Variants in USP37 observed in about 807,000 individuals in gnomAD.
USP37 encodes the protein ubiquitin carboxyl-terminal hydrolase 37.
A neutral mutation model predicts 124.0 loss-of-function variants in USP37; 27 were observed. The ratio of observed to expected loss-of-function variants is 0.22; its 90% CI spans 0.16 to 0.30. The LOEUF (loss-of-function observed/expected upper bound fraction) is 0.30. Ranked by LOEUF, USP37 falls within the 10% of genes least tolerant of loss-of-function variation. USP37 has a pLI of 1.00. For missense variants in USP37, 889 were observed against 1,140.4 expected (o/e 0.78, Z 3.17); for synonymous variants, 365 against 388.0 (o/e 0.94, Z 0.70).
chr2:218,468,540 C>G (rs986848957), intron 20 of USP37, among the ~76,000 whole-genome samples: 6 of 151,964 alleles, frequency 3.9e-5, no homozygotes, highest in African/African-American at 1.5e-4. Flanking sequence ...ATTTTCAATA[C>G]AAATACAAGC....
At chr2:218,518,665 G>A (rs1032152950) in intron 10 of USP37, among the ~76,000 whole-genome samples, 10 of 151,954 alleles carry the variant, frequency 6.6e-5, no homozygotes, top group African/African-American at 1.9e-4. Context: ...ATATAAAACC[G>A]GTTAAGATAT....
chr2:218,557,879 C>T (rs1043116857), intron 4 of USP37, among the ~76,000 whole-genome samples: 3 of 115,372 alleles, frequency 2.6e-5, no homozygotes, highest in Non-Finnish European at 4.9e-5. Context: ...TGCAATGAGC[C>T]GAAATCATGT....
intron 17 of USP37, 116 bp from the exon 18 acceptor site, chr2:218,479,831 A>T: frequency 1.8e-6 from 1 of 565,290 alleles, no homozygotes; most frequent in Non-Finnish European, 2.5e-6. Context: ...TTGAAAATTG[A>T]ACAATTATAA....
chr2:218,487,172 G>A (rs1649559535), intron 15 of USP37, among the ~76,000 whole-genome samples: 1 of 152,140 alleles, frequency 6.6e-6, no homozygotes, highest in African/African-American at 2.4e-5. Flanking sequence ...GTCTGATTAT[G>A]CCCCAGAAAC....
chr2:218,479,806 T>C lies in USP37; in HGVS notation c.1836-91A>G, dbSNP rs551991988. 7 of 711,160 alleles carry C rather than the reference T, an allele frequency of 9.8e-6. No individual in the cohort carries two copies. In the South Asian group the frequency reaches 2.4e-4, roughly 25 times the overall value. 44.1% of individuals were successfully genotyped at this position (711,160 alleles called of 1,614,324 possible). A position where few individuals can be genotyped will look rare whatever the true frequency, so the allele number is the denominator to read the frequency against. ...TAAAATGAATTATTCTTACTATAAT[T>C]CCTTTTATGTCCTCTTGAAAATTGA... On this transcript the variant is annotated intron_variant, in intron 17 of 25. Coordinates refer to ENST00000258399, the MANE Select transcript of USP37 (RefSeq NM_020935.3).
intron 22 of USP37, 65 bp from the exon 23 acceptor site, chr2:218,459,970 C>T: frequency 7.9e-7 from 1 of 1,266,702 alleles, no homozygotes; most frequent in Non-Finnish European, 1.1e-6. Context: ...GTGGCTCACA[C>T]CTGTAATCCC....
At chr2:218,561,583 G>T (rs796596681) in intron 2 of USP37, among the ~76,000 whole-genome samples, 1 of 151,446 alleles carries the variant, frequency 6.6e-6, no homozygotes, top group Admixed American at 6.6e-5. Context: ...GCTGGAATCC[G>T]GGAGGCAGAG....
At chr2:218,491,100 C>G (rs1201220839) in intron 14 of USP37, among the ~76,000 whole-genome samples, 1 of 152,120 alleles carries the variant, frequency 6.6e-6, no homozygotes, top group Non-Finnish European at 1.5e-5. Flanking sequence ...TCTCAAACAC[C>G]TAGATTCAAG....
intron 8 of USP37, among the ~76,000 whole-genome samples, chr2:218,538,767 A>G (rs948331714): frequency 6.6e-6 from 1 of 152,176 alleles, no homozygotes; most frequent in African/African-American, 2.4e-5. Flanking sequence ...ACTAAAAAAG[A>G]CAGCAATTAA....
rs778391306 is a variant in USP37, at chr2:218,547,013, A to T, written c.508T>A (p.Ser170Thr). 6 of 1,613,312 alleles carry T rather than the reference A, an allele frequency of 3.7e-6. No homozygotes were observed. The highest frequency in any genetic ancestry group is 1.7e-6 in the Non-Finnish European group (2 of 1,179,828). Residue 170 changes from serine to threonine, a missense_variant, in exon 7 of 26, where the codon TCG becomes ACG. Transcript: ENST00000258399. ...CCACTTCCTGCTACAGTCTTAATCG[A>T]TCCTCTACCCGGATTACCAAGAACT... ...RKVLGNPGRG[S>T]IKTVAGSGIA...
chr2:218,527,852 A>G (rs780026981), intron 10 of USP37, among the ~76,000 whole-genome samples: 1 of 152,226 alleles, frequency 6.6e-6, no homozygotes, highest in Non-Finnish European at 1.5e-5. Flanking sequence ...TCTTTACCTT[A>G]ATCATTTTAT....
At chr2:218,475,748 A>T (rs561762443) in intron 19 of USP37, among the ~76,000 whole-genome samples, 83 of 151,954 alleles carry the variant, frequency 5.5e-4, no homozygotes, top group African/African-American at 1.6e-3. Context: ...ATAAATAAAT[A>T]AATTAAATAA....
chr2:218,528,667 C>T, intron 10 of USP37: 1 of 424,278 alleles, frequency 2.4e-6, no homozygotes, highest in Non-Finnish European at 4.2e-6. Flanking sequence ...TTTATCCTGT[C>T]TATCATTGAT....
At chr2:218,475,823 G>A (rs900970919) in intron 19 of USP37, among the ~76,000 whole-genome samples, 1 of 151,962 alleles carries the variant, frequency 6.6e-6, no homozygotes, top group Admixed American at 6.6e-5. Context: ...CTACTCAGGA[G>A]GCTGAGGCAG....
chr2:218,502,637 T>C (rs1264785605), intron 11 of USP37, among the ~76,000 whole-genome samples: 1 of 152,084 alleles, frequency 6.6e-6, no homozygotes, highest in Admixed American at 6.6e-5. Flanking sequence ...TGCTAAAAAT[T>C]AGCAACGAAG....
At chr2:218,491,369 G>T (rs1489311278) in intron 14 of USP37, among the ~76,000 whole-genome samples, 2 of 152,120 alleles carry the variant, frequency 1.3e-5, no homozygotes, top group Non-Finnish European at 2.9e-5. Flanking sequence ...AGAAAATGAG[G>T]ATCTCAGTCC....
intron 19 of USP37, among the ~76,000 whole-genome samples, chr2:218,475,978 T>C (rs911471320): frequency 2.0e-5 from 3 of 151,880 alleles, no homozygotes; most frequent in African/African-American, 4.8e-5. Flanking sequence ...TGGGAGAATT[T>C]TGGACTTTCA....
chr2:218,558,163 G>A (rs900683353), intron 4 of USP37, among the ~76,000 whole-genome samples: 5 of 151,948 alleles, frequency 3.3e-5, no homozygotes, highest in African/African-American at 7.2e-5. Context: ...TGAATCCATC[G>A]TCATGTATGT....
In USP37 at chr2:218,567,449, G is replaced by A. The variant is rs1693682906; in HGVS notation, c.-230+729C>T. 2.0e-5 allele frequency among the ~76,000 whole-genome samples: 3 copies of A among 152,128 alleles called. No individual in the cohort carries two copies. The South Asian group carries it at 6.2e-4, about 32-fold the overall frequency. ...GATGACAAACACATACACACACCGC[G>A]CACATTTACGTACGCAGCCCAGAAC... On this transcript the variant is annotated intron_variant, in intron 1 of 25. Coordinates refer to ENST00000258399, the MANE Select transcript of USP37 (RefSeq NM_020935.3).
Sources: allele counts gnomAD v4.1 joint callset (sites outside exome capture counted in the v4.1 genomes callset), GRCh38; gene constraint gnomAD v4.1.1; transcripts MANE v1.5; gene names NCBI Gene and HGNC (gene_info 2026-07-23, HGNC 2026-07-21).